The following NLK variants were observed in gnomAD, a reference collection of about 807,000 sequenced individuals.
The protein encoded by NLK is serine/threonine-protein kinase NLK.
Under a neutral mutation model 59.0 loss-of-function variants are expected in NLK, and 11 were observed. That is an observed-to-expected ratio of 0.19 (90% CI 0.12 to 0.31). The LOEUF is 0.31. NLK is among the 10% of genes least tolerant of loss of function. The pLI is 1.00. For missense variants in NLK, 410 were observed against 661.1 expected, an observed-to-expected ratio of 0.62 and a Z score of 4.16; for synonymous variants, 235 against 235.9, an observed-to-expected ratio of 1.00 and a Z score of 0.03.
rs1301306680 is a variant in NLK, at chr17:28,058,935, G to T, written c.458+15604G>T. ...GAGCTCACGAGATCAAGACCAGCCT[G>T]GGCAACATGACAAAACCCCGTCTCT... On this transcript the variant is annotated intron_variant, in intron 1 of 10. Coordinates refer to ENST00000407008, the MANE Select transcript of NLK (RefSeq NM_016231.5). Among the ~76,000 whole-genome samples the T allele has an allele frequency of 3.3e-5, 5 of 152,086 alleles. No homozygotes were observed. In the South Asian group the frequency reaches 1.0e-3, roughly 32 times the overall value.
chr17:28,183,183 A>G (rs1270011531), intron 7 of NLK, among the ~76,000 whole-genome samples: 3 of 152,242 alleles, frequency 2.0e-5, no homozygotes, highest in South Asian at 2.1e-4. Context: ...TTCTTTAAGA[A>G]AAAGAAGAAG....
chr17:28,197,480 A>C (rs887627236), downstream of NLK, among the ~76,000 whole-genome samples: 2 of 151,996 alleles, frequency 1.3e-5, no homozygotes, highest in Non-Finnish European at 2.9e-5. Context: ...AAAAAAAAAA[A>C]AAAACAGAAA....
intron 1 of NLK, among the ~76,000 whole-genome samples, chr17:28,055,246 C>A (rs1349152722): frequency 6.6e-6 from 1 of 151,980 alleles, no homozygotes; most frequent in East Asian, 1.9e-4. Flanking sequence ...GCACACGCCA[C>A]CACTCCCAGC....
At chr17:28,044,819 C>T in intron 1 of NLK, among the ~76,000 whole-genome samples, 1 of 152,144 alleles carries the variant, frequency 6.6e-6, no homozygotes, top group Non-Finnish European at 1.5e-5. Flanking sequence ...ACTTTTAGCA[C>T]TTGTTTGGAT....
At chr17:28,183,694 C>A (rs539088957) in intron 7 of NLK, among the ~76,000 whole-genome samples, 1 of 152,188 alleles carries the variant, frequency 6.6e-6, no homozygotes, top group South Asian at 2.1e-4. Context: ...AACTTTCTGA[C>A]CACAGAAAGG....
At chr17:28,203,200 C>CACACACACACACACACACACACACAG in the NLK span, among the ~76,000 whole-genome samples, 31 of 150,960 alleles carry the variant, frequency 2.1e-4, no homozygotes, top group African/African-American at 7.6e-4. Flanking sequence ...CACACACACA[C>CACACACACACACACACACACACACAG]AGTCTCAGTC....
intron 1 of NLK, among the ~76,000 whole-genome samples, chr17:28,117,926 G>A (rs1434135716): frequency 6.6e-6 from 1 of 152,088 alleles, no homozygotes; most frequent in African/African-American, 2.4e-5. Context: ...ATGGTGGAGT[G>A]CACACAAATT....
intron 1 of NLK, among the ~76,000 whole-genome samples, chr17:28,107,155 C>T (rs2142797593): frequency 6.6e-6 from 1 of 152,188 alleles, no homozygotes; most frequent in East Asian, 1.9e-4. Context: ...GCTACTAAGC[C>T]GGGCACAGTG....
intron 8 of NLK, among the ~76,000 whole-genome samples, chr17:28,188,980 G>GAC (rs57423093): frequency 0.082 from 11,634 of 142,502 alleles, 489 homozygotes; most frequent in East Asian, 0.16. Flanking sequence ...GACAAACACA[G>GAC]ACACACACAC....
At chr17:28,043,760 A>C (rs143850303) in intron 1 of NLK, among the ~76,000 whole-genome samples, 3 of 152,252 alleles carry the variant, frequency 2.0e-5, no homozygotes, top group South Asian at 4.1e-4. Context: ...TATACTTTGC[A>C]TAACTACTTT....
At chr17:28,181,151 C>A (rs1908888075) in intron 7 of NLK, among the ~76,000 whole-genome samples, 2 of 152,086 alleles carry the variant, frequency 1.3e-5, no homozygotes, top group Admixed American at 6.5e-5. Context: ...GTAATCCCAG[C>A]ACTTGGGGAG....
intron 1 of NLK, among the ~76,000 whole-genome samples, chr17:28,075,897 A>G (rs1910148629): frequency 6.6e-6 from 1 of 152,092 alleles, no homozygotes; most frequent in African/African-American, 2.4e-5. Context: ...ATGGGGTGGG[A>G]TATAGATAAA....
intron 10 of NLK, among the ~76,000 whole-genome samples, chr17:28,193,021 C>G (rs1909363928): frequency 1.3e-5 from 2 of 152,210 alleles, no homozygotes; most frequent in African/African-American, 4.8e-5. Flanking sequence ...TCTGTCCTTT[C>G]CTTCTCTTGA....
At chr17:28,135,944 A>C in intron 3 of NLK, among the ~76,000 whole-genome samples, 1 of 152,216 alleles carries the variant, frequency 6.6e-6, no homozygotes, top group East Asian at 1.9e-4. Context: ...CATTATTTCA[A>C]ATACTTACAA....
chr17:28,065,268 C>G (rs560608068), intron 1 of NLK, among the ~76,000 whole-genome samples: 3 of 151,848 alleles, frequency 2.0e-5, no homozygotes, highest in Admixed American at 2.0e-4. Flanking sequence ...TTTTTCTAGG[C>G]AGTGTAGGCC....
intron 8 of NLK, among the ~76,000 whole-genome samples, chr17:28,189,008 C>T (rs919086679): frequency 6.6e-6 from 1 of 151,958 alleles, no homozygotes; most frequent in Admixed American, 6.6e-5. Flanking sequence ...CACACACACA[C>T]ACACGCTGAA....
At chr17:28,084,008 A>T (rs1910431554) in intron 1 of NLK, among the ~76,000 whole-genome samples, 1 of 152,196 alleles carries the variant, frequency 6.6e-6, no homozygotes, top group South Asian at 2.1e-4. Context: ...GAGCCATATC[A>T]TGATACAGCT....
At chr17:28,070,553 A>G (rs924203917) in intron 1 of NLK, among the ~76,000 whole-genome samples, 3 of 151,548 alleles carry the variant, frequency 2.0e-5, no homozygotes, top group Non-Finnish European at 4.4e-5. Context: ...GGGTTTCACC[A>G]TGTTGGCCAG....
downstream of NLK, among the ~76,000 whole-genome samples, chr17:28,199,767 A>G (rs1275255798): frequency 6.6e-6 from 1 of 151,858 alleles, no homozygotes; most frequent in Non-Finnish European, 1.5e-5. Context: ...ATTGAGTTCT[A>G]CTTTGTGTTC....
Sources: gnomAD v4.1 joint callset for allele counts (sites outside exome capture counted in the v4.1 genomes callset) on GRCh38, gnomAD v4.1.1 for gene constraint, MANE v1.5 for transcripts, NCBI Gene and HGNC (gene_info 2026-07-23, HGNC 2026-07-21) for gene names.